MAP2: variants seen among roughly 807,000 people sequenced by gnomAD.
MAP2 encodes microtubule associated protein 2.
In MAP2, 14 loss-of-function variants were observed where a neutral mutation model predicts 137.6. That is an observed-to-expected ratio of 0.10 (90% CI 0.07 to 0.16). The LOEUF is 0.16. Ranked by LOEUF, MAP2 falls within the 10% of genes least tolerant of loss-of-function variation. The probability of loss-of-function intolerance (pLI) is 1.00; values close to 1 mark genes in which losing one functional copy is unlikely to be tolerated. For missense variants in MAP2, 2,088 were observed against 2,191.5 expected (o/e 0.95, Z 0.94); for synonymous variants, 786 against 782.3 (o/e 1.00, Z -0.08).
intron 5 of MAP2, among the ~76,000 whole-genome samples, chr2:209,656,936 C>T (rs1463197136): frequency 1.3e-5 from 2 of 152,090 alleles, no homozygotes; most frequent in Admixed American, 6.5e-5. Flanking sequence ...CCCACCCTCC[C>T]GCCTTTTTGA....
chr2:209,498,427 G>A (rs187286183), intron 1 of MAP2, among the ~76,000 whole-genome samples: 2 of 152,332 alleles, frequency 1.3e-5, no homozygotes, highest in East Asian at 1.9e-4. Context: ...CTGGTCTGAG[G>A]TCTGGAGGGT....
chr2:209,711,927 A>G (rs949641138), intron 13 of MAP2, among the ~76,000 whole-genome samples: 1 of 152,136 alleles, frequency 6.6e-6, no homozygotes, highest in African/African-American at 2.4e-5. Context: ...ATTCTGGAAA[A>G]CATTAATACT....
chr2:209,664,279 G>T (rs909103992), intron 5 of MAP2, among the ~76,000 whole-genome samples: 1 of 152,226 alleles, frequency 6.6e-6, no homozygotes, highest in African/African-American at 2.4e-5. Context: ...GCTGGGCATG[G>T]TGGCTTGCGC....
In MAP2 at chr2:209,434,909, TTA is replaced by T. The variant is rs1037543369; in HGVS notation, c.-222+10641_-222+10642del. Among the ~76,000 whole-genome samples the T allele has an allele frequency of 8.1e-5, 11 of 135,190 alleles. 1 individual carries two copies. The highest frequency in any genetic ancestry group is 4.0e-3 in the Middle Eastern group (1 of 248). 88.7% of individuals were successfully genotyped at this position (135,190 alleles called of 152,430 possible). The stretch of plus-strand genomic sequence containing the variant: ...GTTATATATATGTTATATATATATG[TTA>T]TATATATGTTATATATATATGTTAT... On this transcript the variant is annotated intron_variant, in intron 1 of 15. Transcript: ENST00000682079.
chr2:209,439,530 T>C (rs1005610156), intron 1 of MAP2, among the ~76,000 whole-genome samples: 4 of 151,506 alleles, frequency 2.6e-5, no homozygotes, highest in African/African-American at 7.3e-5. Context: ...TTTGTTTTGT[T>C]TTATTTTTGC....
At chr2:209,427,350 T>G (rs1692845829) in intron 1 of MAP2, among the ~76,000 whole-genome samples, 1 of 133,826 alleles carries the variant, frequency 7.5e-6, no homozygotes, top group Non-Finnish European at 1.5e-5. Context: ...AATCTCAAAT[T>G]TTTTTGTCTC....
intron 5 of MAP2, among the ~76,000 whole-genome samples, chr2:209,677,722 T>C (rs1176399476): frequency 1.3e-5 from 2 of 152,000 alleles, no homozygotes; most frequent in Non-Finnish European, 2.9e-5. Context: ...ACTAGTTATT[T>C]GGTATCTCAC....
At chr2:209,679,994 A>T (rs1227192415) in intron 6 of MAP2, among the ~76,000 whole-genome samples, 1 of 152,088 alleles carries the variant, frequency 6.6e-6, no homozygotes, top group African/African-American at 2.4e-5. Context: ...TTCCTTTTGA[A>T]ATTTCTTACT....
At chr2:209,676,697 A>G (rs185797642) in intron 5 of MAP2, among the ~76,000 whole-genome samples, 1,837 of 134,500 alleles carry the variant, frequency 0.014, 31 homozygotes, top group Middle Eastern at 0.03. Flanking sequence ...AAGATGCAGG[A>G]ATGATCCAGA....
At chr2:209,720,242 A>G (rs896293223) in intron 13 of MAP2, among the ~76,000 whole-genome samples, 1 of 152,190 alleles carries the variant, frequency 6.6e-6, no homozygotes, top group Non-Finnish European at 1.5e-5. Context: ...GATCTGGTTG[A>G]TTAATATAAT....
At chr2:209,511,471 A>G (rs538331060) in intron 2 of MAP2, among the ~76,000 whole-genome samples, 57 of 152,274 alleles carry the variant, frequency 3.7e-4, no homozygotes, top group Non-Finnish European at 6.3e-4. Context: ...ATTGCACTTG[A>G]CTATATTAAA....
At chr2:209,635,511 A>T (rs574639266) in intron 4 of MAP2, among the ~76,000 whole-genome samples, 2 of 152,230 alleles carry the variant, frequency 1.3e-5, no homozygotes, top group South Asian at 2.1e-4. Context: ...TCCTGACGTG[A>T]TATTTTGTAT....
intron 7 of MAP2, among the ~76,000 whole-genome samples, chr2:209,685,286 AT>A (rs536820096): frequency 2.0e-5 from 3 of 152,192 alleles, no homozygotes; most frequent in Non-Finnish European, 2.9e-5. Flanking sequence ...AAGAAAAAAA[AT>A]CTTACAAATA....
At position 209,696,199 on chromosome 2, in the gene MAP2, C is replaced by G. The variant is rs2060135083; in HGVS notation, c.4029C>G (p.Pro1343=). The part of the protein sequence containing the change: ...VEEAAEAQAE[P]KDGSPEAPAS... ...AGGCAGCTGAAGCCCAGGCAGAACC[C>G]AAAGATGGTTCCCCAGAGGCTCCAG... Residue 1343 remains proline, a synonymous_variant, in exon 8 of 16, where the codon CCC becomes CCG. Transcript: ENST00000682079. 6.2e-7 allele frequency: 1 copy of G among 1,613,576 alleles called. No individual in the cohort carries two copies. Among genetic ancestry groups the G allele is most frequent in the Non-Finnish European group, 8.5e-7 (1 of 1,179,884 alleles).
chr2:209,435,516 T>C (rs1398289347), intron 1 of MAP2, among the ~76,000 whole-genome samples: 2 of 151,792 alleles, frequency 1.3e-5, no homozygotes, highest in East Asian at 3.9e-4. Flanking sequence ...TGGAGAACAG[T>C]TGCCTGTGTG....
At chr2:209,641,969 A>G (rs1055602492) in intron 4 of MAP2, among the ~76,000 whole-genome samples, 6 of 152,118 alleles carry the variant, frequency 3.9e-5, no homozygotes, top group African/African-American at 1.4e-4. Context: ...CTCTAACCCT[A>G]TTCCACCAGT....
At chr2:209,586,498 A>G (rs1412713442) in intron 3 of MAP2, among the ~76,000 whole-genome samples, 1 of 152,296 alleles carries the variant, frequency 6.6e-6, no homozygotes, top group South Asian at 2.1e-4. Context: ...TTAATTGAAT[A>G]CCTAATTCCA....
intron 4 of MAP2, among the ~76,000 whole-genome samples, chr2:209,651,457 T>G (rs1297197128): frequency 6.6e-6 from 1 of 152,170 alleles, no homozygotes; most frequent in East Asian, 1.9e-4. Flanking sequence ...CAATAACAAA[T>G]GTAATAACTA....
At chr2:209,474,492 TC>T (rs1047475922) in intron 1 of MAP2, among the ~76,000 whole-genome samples, 9 of 152,160 alleles carry the variant, frequency 5.9e-5, no homozygotes, top group Admixed American at 5.9e-4. Flanking sequence ...AATGCTGGTT[TC>T]TGACAAATAG....
Sources: gnomAD v4.1 joint callset for allele counts (sites outside exome capture counted in the v4.1 genomes callset) on GRCh38, gnomAD v4.1.1 for gene constraint, MANE v1.5 for transcripts, NCBI Gene and HGNC (gene_info 2026-07-23, HGNC 2026-07-21) for gene names.